Variants in NR3C1 observed in about 807,000 individuals in gnomAD.
NR3C1 encodes nuclear receptor subfamily 3 group C member 1, also known as glucocorticoid receptor.
In NR3C1, 14 loss-of-function variants were observed where a neutral mutation model predicts 74.0. The observed-to-expected ratio is 0.19, with a 90% CI of 0.12 to 0.30. NR3C1 has a LOEUF of 0.30. Among genes scored for constraint, NR3C1 ranks in the 10% least tolerant of loss-of-function variants. The probability of loss-of-function intolerance (pLI) is 1.00; values close to 1 mark genes in which losing one functional copy is unlikely to be tolerated. For missense variants in NR3C1, 695 were observed against 909.8 expected (o/e 0.76, Z 3.04); for synonymous variants, 308 against 332.5 (o/e 0.93, Z 0.80).
intron 1 of NR3C1, among the ~76,000 whole-genome samples, chr5:143,421,896 C>A (rs1751252673): frequency 6.6e-6 from 1 of 152,120 alleles, no homozygotes; most frequent in South Asian, 2.1e-4. Context: ...CTGAAGTAGG[C>A]TTTAGGTATG....
At chr5:143,293,822 A>T (rs1256464202) in intron 7 of NR3C1, 1 of 903,414 alleles carries the variant, frequency 1.1e-6, no homozygotes, top group Non-Finnish European at 1.3e-6. Flanking sequence ...GAAAAAAATC[A>T]TATAGCTCAA....
rs1561799697 is a variant in NR3C1, at chr5:143,403,548, G to A, written c.-351C>T. 2 of 985,786 alleles carry A rather than the reference G, an allele frequency of 2.0e-6. No homozygotes were observed. Among genetic ancestry groups the A allele is most frequent in the Non-Finnish European group, 2.4e-6 (2 of 830,286 alleles). 61.1% of individuals were successfully genotyped at this position (985,786 alleles called of 1,614,324 possible). ...CAGAATCCGTCCCCGACGGGCAGGC[G>A]GTGACTCGGGCTCCCGTCACAGACA... is the stretch of plus-strand genomic sequence containing the variant. On this transcript the variant is annotated 5_prime_UTR_variant, in exon 1 of 9. Transcript: ENST00000394464.
intron 3 of NR3C1, among the ~76,000 whole-genome samples, chr5:143,311,031 T>C (rs852978): frequency 0.15 from 22,645 of 152,200 alleles, 1,862 homozygotes; most frequent in African/African-American, 0.18. Context: ...TTGTAAAGAA[T>C]AGGCCACAAA....
intron 6 of NR3C1, among the ~76,000 whole-genome samples, chr5:143,297,560 T>C (rs1817571786): frequency 1.3e-5 from 2 of 152,204 alleles, no homozygotes; most frequent in Non-Finnish European, 2.9e-5. Flanking sequence ...TCTTGTTACA[T>C]TGTGATGCAG....
chr5:143,404,375 C>G (rs931024653), upstream of NR3C1: 2 of 984,222 alleles, frequency 2.0e-6, no homozygotes, highest in Non-Finnish European at 2.4e-6. Context: ...CGCATACGTA[C>G]TTTGGGCCCG....
intron 2 of NR3C1, among the ~76,000 whole-genome samples, chr5:143,351,193 T>C (rs963642790): frequency 2.0e-5 from 3 of 152,162 alleles, no homozygotes; most frequent in African/African-American, 7.2e-5. Context: ...AACATACAGC[T>C]CATCCTATGT....
At chr5:143,295,235 T>C (rs767783289) in intron 7 of NR3C1, 22 of 985,352 alleles carry the variant, frequency 2.2e-5, no homozygotes, top group Non-Finnish European at 2.5e-5. Flanking sequence ...GAGATCCCTA[T>C]GCAGCTCATA....
At chr5:143,336,567 T>C (rs555068164) in intron 2 of NR3C1, among the ~76,000 whole-genome samples, 7 of 152,282 alleles carry the variant, frequency 4.6e-5, no homozygotes, top group African/African-American at 1.4e-4. Flanking sequence ...GAAGACTGGT[T>C]CAAAGTCTGT....
chr5:143,401,316 ATAC>A (rs776823677), intron 1 of NR3C1: 2 of 191,074 alleles, frequency 1.0e-5, no homozygotes, highest in Non-Finnish European at 2.2e-5. Context: ...CATTTGATAA[ATAC>A]TATGCTAGAA....
chr5:143,412,695 G>A (rs944001883), intron 1 of NR3C1, among the ~76,000 whole-genome samples: 9 of 151,926 alleles, frequency 5.9e-5, no homozygotes, highest in South Asian at 2.1e-4. Context: ...TTTTTTGTTT[G>A]GGTTTTAACA....
At chr5:143,328,325 C>G (rs1283655542) in intron 2 of NR3C1, among the ~76,000 whole-genome samples, 1 of 152,164 alleles carries the variant, frequency 6.6e-6, no homozygotes, top group Admixed American at 6.5e-5. Flanking sequence ...TTTTTCCCTC[C>G]TAGTTCTCAG....
intron 1 of NR3C1, among the ~76,000 whole-genome samples, chr5:143,412,792 C>T (rs1174214722): frequency 1.6e-4 from 24 of 152,102 alleles, no homozygotes; most frequent in Admixed American, 1.5e-3. Context: ...CACATTCACC[C>T]ACCCTTTCAA....
chr5:143,411,157 T>A (rs1170579368), intron 1 of NR3C1, among the ~76,000 whole-genome samples: 2 of 152,200 alleles, frequency 1.3e-5, no homozygotes, highest in Non-Finnish European at 2.9e-5. Context: ...AACGCTGCAT[T>A]CAGAAATGTT....
At position 143,314,657 on chromosome 5, in the gene NR3C1, T is replaced by C. The variant is rs1344184996; in HGVS notation, c.1185-489A>G. On this transcript the variant is annotated intron_variant, in intron 2 of 8. Transcript: ENST00000394464. ...TTTTTTTCCTAATTTTAAGATCTTA[T>C]ACAGGCATCTTTTAAAATTCAATCA... Among the ~76,000 whole-genome samples the C allele has an allele frequency of 2.0e-5, 3 of 152,180 alleles. No homozygotes were observed. In the East Asian group the frequency reaches 5.8e-4, roughly 29 times the overall value.
At chr5:143,427,453 C>T (rs985470843) in intron 1 of NR3C1, among the ~76,000 whole-genome samples, 1 of 151,808 alleles carries the variant, frequency 6.6e-6, no homozygotes, top group African/African-American at 2.4e-5. Flanking sequence ...ACAAATAAGG[C>T]AAGAAGAAGA....
chr5:143,356,582 T>G (rs1455371321), intron 2 of NR3C1, among the ~76,000 whole-genome samples: 1 of 152,076 alleles, frequency 6.6e-6, no homozygotes, highest in Non-Finnish European at 1.5e-5. Context: ...TTTAGTACAT[T>G]ATGCCCAATA....
intron 1 of NR3C1, among the ~76,000 whole-genome samples, chr5:143,432,746 C>G (rs1340479160): frequency 6.6e-6 from 1 of 152,126 alleles, no homozygotes; most frequent in Non-Finnish European, 1.5e-5. Context: ...CCCTTGGAAG[C>G]CTTCATTTTT....
At chr5:143,282,770 TTCTTTTC>T (rs1813400736) in intron 7 of NR3C1, 45 bp from the exon 8 acceptor site, 1 of 1,583,828 alleles carries the variant, frequency 6.3e-7, no homozygotes. Flanking sequence ...TCTTTTTCTT[TTCTTTTC>T]TTTTTTTTTT....
intron 2 of NR3C1, among the ~76,000 whole-genome samples, chr5:143,331,199 G>A (rs563206490): frequency 1.3e-5 from 2 of 152,214 alleles, no homozygotes; most frequent in Admixed American, 6.5e-5. Context: ...AAGTAATGGG[G>A]AAAGGACTCC....
Sources: gnomAD v4.1 joint callset for allele counts (sites outside exome capture counted in the v4.1 genomes callset) on GRCh38, gnomAD v4.1.1 for gene constraint, MANE v1.5 for transcripts, NCBI Gene and HGNC (gene_info 2026-07-23, HGNC 2026-07-21) for gene names.